Variants in ZNF732 observed in about 807,000 individuals in gnomAD.
ZNF732 encodes the protein zinc finger protein 732.
ZNF732 carries 12 observed loss-of-function variants against 11.5 expected under a neutral mutation model. The observed-to-expected ratio is 1.05, with a 90% CI of 0.67 to 1.70. The LOEUF (loss-of-function observed/expected upper bound fraction) is 1.70. ZNF732 is among the 40% of genes most tolerant of loss of function. The probability of loss-of-function intolerance (pLI) is 0.00; values close to 1 mark genes in which losing one functional copy is unlikely to be tolerated. For missense variants in ZNF732, 702 were observed against 676.9 expected, an observed-to-expected ratio of 1.04 and a Z score of -0.41; for synonymous variants, 231 against 236.5, an observed-to-expected ratio of 0.98 and a Z score of 0.21.
Position 305,415 on chromosome 4 carries a change from C to G in ZNF732, c.-105G>C. 2.0e-6 allele frequency: 3 copies of G among 1,526,420 alleles called. No individual in the cohort carries two copies. The highest frequency in any genetic ancestry group is 2.7e-6 in the Non-Finnish European group (3 of 1,117,666). 94.6% of individuals were successfully genotyped at this position (1,526,420 alleles called of 1,614,324 possible). On this transcript the variant is annotated 5_prime_UTR_variant, in exon 1 of 4. Coordinates refer to ENST00000419098, the MANE Select transcript of ZNF732 (RefSeq NM_001137608.3). ...GCTGTGACCGAATCACCGACGCCTC[C>G]CTGAGGGGTGAAAGCACGGCCGTGG...
chr4:278,166 T>C (rs1553839050), intron 3 of ZNF732, among the ~76,000 whole-genome samples: 1 of 152,182 alleles, frequency 6.6e-6, no homozygotes, highest in African/African-American at 2.4e-5. Context: ...AAATCTAATA[T>C]AAACATTTAT....
At position 270,812 on chromosome 4, in the gene ZNF732, T is replaced by C; in HGVS notation, c.*287A>G. The stretch of plus-strand genomic sequence containing the variant: ...ATTTTCTTATGTTCACTCAGGGTTG[T>C]GGACCATCTAAAAGCTTTGCCACAT... On this transcript the variant is annotated 3_prime_UTR_variant, in exon 4 of 4. Coordinates refer to ENST00000419098, the MANE Select transcript of ZNF732 (RefSeq NM_001137608.3). 1 of 616,492 alleles carries C rather than the reference T, an allele frequency of 1.6e-6. No homozygotes were observed. The highest frequency in any genetic ancestry group is 2.2e-5 in the Admixed American group (1 of 45,066). 38.2% of individuals were successfully genotyped at this position (616,492 alleles called of 1,614,324 possible). A position where few individuals can be genotyped will look rare whatever the true frequency, so the allele number is the denominator to read the frequency against.
intron 3 of ZNF732, among the ~76,000 whole-genome samples, chr4:293,870 C>T (rs530214041): frequency 3.9e-5 from 6 of 152,158 alleles, no homozygotes; most frequent in African/African-American, 9.6e-5. Flanking sequence ...TCATATCACG[C>T]AAACACAGAT....
Position 305,370 on chromosome 4 carries a change from A to G in ZNF732, c.-60T>C. The G allele has an allele frequency of 6.2e-7, 1 of 1,604,300 alleles. No homozygotes were observed. Among genetic ancestry groups the G allele is most frequent in the Non-Finnish European group, 8.5e-7 (1 of 1,178,724 alleles). Reference sequence around the variant, plus strand: ...ACGAATCATCCAATACCCGCAGGTCACAGAGCGACGGAGGCTGAGGCTGTG... The same window carrying G: ...ACGAATCATCCAATACCCGCAGGTCGCAGAGCGACGGAGGCTGAGGCTGTG... On this transcript the variant is annotated 5_prime_UTR_variant, in exon 1 of 4. Transcript: ENST00000419098.
intron 3 of ZNF732, among the ~76,000 whole-genome samples, chr4:276,253 C>T (rs909601021): frequency 1.3e-5 from 2 of 151,696 alleles, no homozygotes; most frequent in African/African-American, 2.4e-5. Context: ...AAACAATATG[C>T]AGAGAGATAA....
intron 3 of ZNF732, among the ~76,000 whole-genome samples, chr4:275,839 CGA>C (rs1407452015): frequency 2.6e-5 from 4 of 151,496 alleles, no homozygotes; most frequent in African/African-American, 9.7e-5. Flanking sequence ...TCAACTTACA[CGA>C]GATATCTAAA....
chr4:281,635 C>T (rs1379877418), intron 3 of ZNF732, among the ~76,000 whole-genome samples: 1 of 152,168 alleles, frequency 6.6e-6, no homozygotes, highest in Non-Finnish European at 1.5e-5. Flanking sequence ...CTACGTGACC[C>T]GGATTCCAAA....
chr4:273,890 G>A (rs141155456), intron 3 of ZNF732, among the ~76,000 whole-genome samples: 11 of 151,208 alleles, frequency 7.3e-5, no homozygotes, highest in African/African-American at 2.7e-4. Flanking sequence ...AAACTTCTAT[G>A]TGGGAATCAT....
chr4:287,039 T>A (rs1719745712), intron 3 of ZNF732, among the ~76,000 whole-genome samples: 1 of 151,952 alleles, frequency 6.6e-6, no homozygotes, highest in African/African-American at 2.4e-5. Context: ...TAGTCCCAGC[T>A]ACTCAGGAGG....
intron 3 of ZNF732, among the ~76,000 whole-genome samples, chr4:279,220 C>T (rs1195841433): frequency 2.6e-5 from 4 of 151,654 alleles, no homozygotes; most frequent in Admixed American, 6.6e-5. Flanking sequence ...GGGCAGATCA[C>T]GAGGTCAGAA....
chr4:294,739 C>T (rs1553841900), intron 3 of ZNF732, among the ~76,000 whole-genome samples: 2 of 152,182 alleles, frequency 1.3e-5, no homozygotes, highest in Admixed American at 1.3e-4. Context: ...TGGCTCAAGA[C>T]AATTCTTCCA....
At chr4:292,890 CAAAAAAAA>C (rs34118991) in intron 3 of ZNF732, among the ~76,000 whole-genome samples, 46 of 79,488 alleles carry the variant, frequency 5.8e-4, no homozygotes, top group African/African-American at 1.6e-3. Flanking sequence ...ACTAAAAACA[CAAAAAAAA>C]AAAAAAAAAA....
chr4:280,358 G>GAGGC (rs568625096), intron 3 of ZNF732, among the ~76,000 whole-genome samples: 63 of 150,616 alleles, frequency 4.2e-4, no homozygotes, highest in African/African-American at 1.5e-3. Flanking sequence ...TTGGAAGGCT[G>GAGGC]AGGCAGGTGG....
chr4:279,901 G>C (rs1553839440), intron 3 of ZNF732, among the ~76,000 whole-genome samples: 1 of 151,978 alleles, frequency 6.6e-6, no homozygotes, highest in Non-Finnish European at 1.5e-5. Flanking sequence ...AACCAGGTAG[G>C]GGCATTATTT....
At chr4:292,210 T>A (rs1203904051) in intron 3 of ZNF732, among the ~76,000 whole-genome samples, 1 of 152,194 alleles carries the variant, frequency 6.6e-6, no homozygotes, top group Non-Finnish European at 1.5e-5. Flanking sequence ...CAAGTGGGAT[T>A]GTATCAAAGT....
chr4:278,775 G>A (rs1466135512), intron 3 of ZNF732, among the ~76,000 whole-genome samples: 1 of 152,216 alleles, frequency 6.6e-6, no homozygotes, highest in African/African-American at 2.4e-5. Flanking sequence ...GTGCACGGAA[G>A]GGTGGCGGAC....
At chr4:293,825 AAT>A (rs1409719615) in intron 3 of ZNF732, among the ~76,000 whole-genome samples, 8 of 152,116 alleles carry the variant, frequency 5.3e-5, no homozygotes, top group South Asian at 2.1e-4. Context: ...GTAAATATTA[AAT>A]ATAGTTATAC....
intron 3 of ZNF732, among the ~76,000 whole-genome samples, chr4:294,187 A>G (rs1232220954): frequency 6.6e-6 from 1 of 152,176 alleles, no homozygotes; most frequent in Non-Finnish European, 1.5e-5. Context: ...TTTTTAGTAC[A>G]GATGGGATTT....
chr4:280,200 A>G (rs1438353372), intron 3 of ZNF732, among the ~76,000 whole-genome samples: 7 of 151,640 alleles, frequency 4.6e-5, no homozygotes, highest in African/African-American at 1.7e-4. Flanking sequence ...GTATCATAAA[A>G]ACAATCCTTC....
Sources: gnomAD v4.1 joint callset for allele counts (sites outside exome capture counted in the v4.1 genomes callset) on GRCh38, gnomAD v4.1.1 for gene constraint, MANE v1.5 for transcripts, NCBI Gene and HGNC (gene_info 2026-07-23, HGNC 2026-07-21) for gene names.